Variants in FAT3 observed in about 807,000 individuals in gnomAD.
The protein encoded by FAT3 is FAT atypical cadherin 3, also known as protocadherin Fat 3.
A neutral mutation model predicts 310.2 loss-of-function variants in FAT3; 95 were observed. The ratio of observed to expected loss-of-function variants is 0.31; its 90% confidence interval spans 0.26 to 0.36. FAT3 has a LOEUF of 0.36. Ranked by LOEUF, FAT3 falls within the 10% of genes least tolerant of loss-of-function variation. The probability of loss-of-function intolerance (pLI) is 1.00; values close to 1 mark genes in which losing one functional copy is unlikely to be tolerated. For synonymous variants in FAT3, 2,314 were observed against 2,192.9 expected, an observed-to-expected ratio of 1.06 and a Z score of -1.54; for missense variants, 5,408 against 5,715.6, an observed-to-expected ratio of 0.95 and a Z score of 1.74.
intron 7 of FAT3, among the ~76,000 whole-genome samples, chr11:92,781,072 A>ATTT (rs1565588701): frequency 7.9e-6 from 1 of 126,252 alleles, no homozygotes; most frequent in African/African-American, 2.9e-5. Context: ...TCTTTTCTTT[A>ATTT]TTCTTTTTTT....
chr11:92,613,565 C>A (rs1940667864), intron 3 of FAT3, among the ~76,000 whole-genome samples: 1 of 152,002 alleles, frequency 6.6e-6, no homozygotes, highest in African/African-American at 2.4e-5. Context: ...TATTTAATAA[C>A]CCACCAACTC....
chr11:92,407,531 G>A (rs1950159594), intron 2 of FAT3, among the ~76,000 whole-genome samples: 1 of 152,104 alleles, frequency 6.6e-6, no homozygotes, highest in Non-Finnish European at 1.5e-5. Context: ...ACTGTAGTTT[G>A]CCTGTGTAAC....
At chr11:92,613,287 A>G (rs565155556) in intron 3 of FAT3, among the ~76,000 whole-genome samples, 25 of 152,324 alleles carry the variant, frequency 1.6e-4, no homozygotes, top group African/African-American at 4.8e-4. Flanking sequence ...CCTCATTTGT[A>G]GAAATACAAA....
intron 1 of FAT3, among the ~76,000 whole-genome samples, chr11:92,257,005 A>G (rs1865344393): frequency 6.6e-6 from 1 of 152,050 alleles, no homozygotes; most frequent in Non-Finnish European, 1.5e-5. Flanking sequence ...CCTCTTCCTT[A>G]CTGAATTTTT....
intron 2 of FAT3, among the ~76,000 whole-genome samples, chr11:92,502,625 G>A (rs891895940): frequency 6.6e-6 from 1 of 152,018 alleles, no homozygotes; most frequent in African/African-American, 2.4e-5. Context: ...TTCAATGGGT[G>A]GAAAGTGTAG....
chr11:92,849,285 C>T (rs1184067659), intron 19 of FAT3, among the ~76,000 whole-genome samples: 1 of 152,162 alleles, frequency 6.6e-6, no homozygotes, highest in Non-Finnish European at 1.5e-5. Flanking sequence ...GTTTCCTAAT[C>T]CAAACTCCCA....
chr11:92,739,345 A>G (rs909972186), intron 4 of FAT3, among the ~76,000 whole-genome samples: 1 of 151,740 alleles, frequency 6.6e-6, no homozygotes, highest in Non-Finnish European at 1.5e-5. Flanking sequence ...CCTGCATGTT[A>G]TGGTAATGGT....
intron 3 of FAT3, among the ~76,000 whole-genome samples, chr11:92,614,208 C>CA (rs1940697778): frequency 6.6e-6 from 1 of 152,068 alleles, no homozygotes. Context: ...CTGCTATGAA[C>CA]ATTCATGTAC....
intron 5 of FAT3, among the ~76,000 whole-genome samples, chr11:92,763,003 T>A (rs1029158231): frequency 2.0e-5 from 3 of 151,874 alleles, no homozygotes; most frequent in African/African-American, 4.8e-5. Flanking sequence ...ACCAAAAATA[T>A]AAAAAATTAG....
At chr11:92,292,035 A>AT (rs1211549255) in intron 1 of FAT3, among the ~76,000 whole-genome samples, 1 of 151,996 alleles carries the variant, frequency 6.6e-6, no homozygotes, top group Non-Finnish European at 1.5e-5. Flanking sequence ...AAGTAACAGT[A>AT]TATGTGGATG....
At chr11:92,722,957 G>T (rs1421266149) in intron 4 of FAT3, among the ~76,000 whole-genome samples, 1 of 152,138 alleles carries the variant, frequency 6.6e-6, no homozygotes, top group African/African-American at 2.4e-5. Context: ...GGCCTGTGAT[G>T]GGGGAGGGAC....
intron 2 of FAT3, among the ~76,000 whole-genome samples, chr11:92,421,818 C>T (rs1356617310): frequency 6.6e-6 from 1 of 152,184 alleles, no homozygotes; most frequent in African/African-American, 2.4e-5. Context: ...GTCATGGGCT[C>T]AGCCCCAGGT....
chr11:92,777,989 C>T (rs1295823777), intron 7 of FAT3, among the ~76,000 whole-genome samples: 3 of 151,796 alleles, frequency 2.0e-5, no homozygotes, highest in African/African-American at 4.8e-5. Flanking sequence ...ACATCAGAGC[C>T]CTGTCTCTGA....
chr11:92,362,838 G>A (rs976333223), intron 2 of FAT3, among the ~76,000 whole-genome samples: 5 of 152,096 alleles, frequency 3.3e-5, no homozygotes, highest in African/African-American at 1.2e-4. Flanking sequence ...CTCTACTGCA[G>A]TTTCTGTAAT....
At position 92,758,050 on chromosome 11, in the gene FAT3, T is replaced by C. The variant is rs114947813; in HGVS notation, c.3670-3806T>C. Among the ~76,000 whole-genome samples, 1,069 of 152,294 alleles carry C rather than the reference T, an allele frequency of 7.0e-3. 11 individuals are homozygous for C. The highest frequency in any genetic ancestry group is 0.025 in the African/African-American group (1,042 of 41,566). On this transcript the variant is annotated intron_variant, in intron 4 of 27. Transcript: ENST00000525166. ...AACACTAGAAGCACTTGGGAGATTA[T>C]ATGTTAATTTTCATACAGAGACCCT... is the stretch of plus-strand genomic sequence containing the variant.
intron 3 of FAT3, among the ~76,000 whole-genome samples, chr11:92,621,260 A>G (rs778095658): frequency 5.3e-5 from 8 of 152,204 alleles, no homozygotes; most frequent in Non-Finnish European, 8.8e-5. Context: ...GGGTTGATCA[A>G]TGAATCAAGA....
In FAT3 at chr11:92,886,407, A is replaced by G. The variant is rs561230143; in HGVS notation, c.12938-593A>G. On this transcript the variant is annotated intron_variant, in intron 24 of 27. Transcript: ENST00000525166. The stretch of plus-strand genomic sequence containing the variant: ...TCTTTGTACGGTAAAGAAGGAGGAC[A>G]TATGTGGTTAAGGGCATATCCACAC... 3.9e-5 allele frequency among the ~76,000 whole-genome samples: 6 copies of G among 152,220 alleles called. No homozygotes were observed. In the East Asian group the frequency reaches 5.8e-4, roughly 15 times the overall value.
At chr11:92,586,008 A>G (rs1591487399) in intron 3 of FAT3, among the ~76,000 whole-genome samples, 1 of 151,928 alleles carries the variant, frequency 6.6e-6, no homozygotes, top group African/African-American at 2.4e-5. Context: ...GAAGGAAGCT[A>G]CAGAGAGGAG....
intron 3 of FAT3, among the ~76,000 whole-genome samples, chr11:92,601,239 A>C (rs1427660236): frequency 1.3e-5 from 2 of 152,016 alleles, no homozygotes; most frequent in Non-Finnish European, 2.9e-5. Context: ...CAGGCAAAAA[A>C]CATTCCATAC....
Sources: allele counts gnomAD v4.1 joint callset (sites outside exome capture counted in the v4.1 genomes callset), GRCh38; gene constraint gnomAD v4.1.1; transcripts MANE v1.5; gene names NCBI Gene and HGNC (gene_info 2026-07-23, HGNC 2026-07-21).